The following ZNF268 variants were observed in gnomAD, a reference collection of about 807,000 sequenced individuals.
The protein encoded by ZNF268 is zinc finger protein 3.
ZNF268 carries 20 observed loss-of-function variants against 29.3 expected under a neutral mutation model. That is an observed-to-expected ratio of 0.68 (90% CI 0.48 to 0.99). ZNF268 has a LOEUF of 0.99. ZNF268 is among the 50% of genes least tolerant of loss of function. The pLI is 0.00. For synonymous variants in ZNF268, 429 were observed against 376.9 expected (o/e 1.14, Z -1.60); for missense variants, 1,240 against 1,121.6 (o/e 1.11, Z -1.51).
At position 133,210,979 on chromosome 12, in the gene ZNF268, T is replaced by A. The variant is rs1283930865; in HGVS notation, c.*6449T>A. The A allele has an allele frequency of 2.2e-6, 1 of 456,032 alleles. No homozygotes were observed. The highest frequency in any genetic ancestry group is 1.5e-5 in the South Asian group (1 of 64,560). 28.2% of individuals were successfully genotyped at this position (456,032 alleles called of 1,614,324 possible). A position where few individuals can be genotyped will look rare whatever the true frequency, so the allele number is the denominator to read the frequency against. On this transcript the variant is annotated 3_prime_UTR_variant, in exon 6 of 6. Coordinates refer to ENST00000536435, the MANE Select transcript of ZNF268 (RefSeq NM_003415.3). The stretch of plus-strand genomic sequence containing the variant: ...TTGCAGTCCCAGTGAACCCCTGAAA[T>A]TCAATCTTACGATTTTCCATGCCAT...
At chr12:133,193,368 C>A in intron 5 of ZNF268, 1 of 564,984 alleles carries the variant, frequency 1.8e-6, no homozygotes, top group Non-Finnish European at 3.2e-6. Flanking sequence ...ATTTGTGTTG[C>A]TGTAATAAAA....
chr12:133,207,251 T>A lies in ZNF268; in HGVS notation c.*2721T>A, dbSNP rs1956914524. 6.6e-6 allele frequency: 1 copy of A among 152,102 alleles called. No homozygotes were observed. Among genetic ancestry groups the A allele is most frequent in the Non-Finnish European group, 1.5e-5 (1 of 68,030 alleles). The allele number at this position is 152,102 out of a possible 1,614,324, so 9.4% of individuals were successfully genotyped here. On this transcript the variant is annotated 3_prime_UTR_variant, in exon 6 of 6. Coordinates refer to ENST00000536435, the MANE Select transcript of ZNF268 (RefSeq NM_003415.3). ...ACCCCAATATTTTACAACTTCCCCA[T>A]CAAATAGAAATTTAGGAGAAAAAAT...
rs530230838 is a variant in ZNF268 at position 133,210,671 on chromosome 12, C to G, written c.*6141C>G. 27 of 361,924 alleles carry G rather than the reference C, an allele frequency of 7.5e-5. No individual in the cohort carries two copies. The highest frequency in any genetic ancestry group is 1.4e-4 in the Non-Finnish European group (26 of 181,366). The allele number at this position is 361,924 out of a possible 1,614,324, so 22.4% of individuals were successfully genotyped here. A position where few individuals can be genotyped will look rare whatever the true frequency, so the allele number is the denominator to read the frequency against. On this transcript the variant is annotated 3_prime_UTR_variant, in exon 6 of 6. Transcript: ENST00000536435. ...GGGGTCTCCGGGTCCTGAGTAGAAG[C>G]AAGGTCTGTTTGTCACTGTGGATTC...
At position 133,203,481 on chromosome 12, in the gene ZNF268, CTTA is replaced by C. The variant is rs1280214282; in HGVS notation, c.1800_1802del (p.Ile601del). On this transcript the variant is annotated inframe_deletion, in exon 6 of 6. Transcript: ENST00000536435. ...AAAGGCTTTTGGTTTAAAGTCACAG[CTTA>C]TTATACACCAGAGAACTCATACAGG... The C allele has an allele frequency of 7.1e-6, 11 of 1,542,540 alleles. No individual in the cohort carries two copies. In the South Asian group the frequency reaches 1.2e-4, roughly 17 times the overall value.
chr12:133,212,445 T>TTTTATATA lies in ZNF268; in HGVS notation c.*7916_*7917insTTATATAT, dbSNP rs1956994659. The TTTTATATA allele has an allele frequency of 8.4e-6, 1 of 118,576 alleles. No homozygotes were observed. Among genetic ancestry groups the TTTTATATA allele is most frequent in the Admixed American group, 8.5e-5 (1 of 11,812 alleles). The allele number at this position is 118,576 out of a possible 1,614,324, so 7.3% of individuals were successfully genotyped here. A position where few individuals can be genotyped will look rare whatever the true frequency, so the allele number is the denominator to read the frequency against. ...CCAAGGGAGACTTTCATGTGTGATTTTATATATATATATATATATATATAT... is the reference window on the plus strand; with the variant it reads ...CCAAGGGAGACTTTCATGTGTGATTTTTTATATATATATATATATATATATATATATAT... On this transcript the variant is annotated 3_prime_UTR_variant, in exon 6 of 6. Transcript: ENST00000536435.
At position 133,203,051 on chromosome 12, in the gene ZNF268, C is replaced by G; in HGVS notation, c.1365C>G (p.Phe455Leu). The G allele has an allele frequency of 1.3e-6, 2 of 1,538,888 alleles. No homozygotes were observed. Among genetic ancestry groups the G allele is most frequent in the East Asian group, 2.4e-5 (1 of 40,934 alleles). The stretch of plus-strand genomic sequence containing the variant: ...GTGATTGTGGAAAAGCCTTTACATT[C>G]AAGTCACAGCTCATTGTACATCAGG... ...VCSDCGKAFT[F>L]KSQLIVHQGI... Residue 455 changes from phenylalanine to leucine, a missense_variant, in exon 6 of 6, where the codon TTC (phenylalanine) becomes TTG (leucine). Phe to Leu is a conservative substitution (Grantham distance 22). Coordinates refer to ENST00000536435, the MANE Select transcript of ZNF268 (RefSeq NM_003415.3).
Position 133,202,709 on chromosome 12 carries a change from C to T in ZNF268, c.1023C>T (p.Phe341=). ...LHECSECRKT[F]SFHSQLVIHQ... ...AATGCAGTGAATGCAGGAAAACATTCAGTTTCCATTCACAGCTTGTTATAC... is the reference window on the plus strand; with the variant it reads ...AATGCAGTGAATGCAGGAAAACATTTAGTTTCCATTCACAGCTTGTTATAC... The change falls in exon 6 of 6, where the codon TTC becomes TTT. Residue 341 remains phenylalanine (F), a synonymous_variant. Coordinates refer to ENST00000536435, the MANE Select transcript of ZNF268 (RefSeq NM_003415.3). 1 of 1,611,352 alleles carries T rather than the reference C, an allele frequency of 6.2e-7. No individual in the cohort carries two copies. Among genetic ancestry groups the T allele is most frequent in the Non-Finnish European group, 8.5e-7 (1 of 1,178,792 alleles).
In ZNF268 at chr12:133,191,993, G is replaced by A; in HGVS notation, c.447G>A (p.Gln149=). 2 of 1,612,442 alleles carry A rather than the reference G, an allele frequency of 1.2e-6. No homozygotes were observed. The highest frequency in any genetic ancestry group is 1.7e-6 in the Non-Finnish European group (2 of 1,178,726). The change falls in exon 5 of 6, where the codon CAG becomes CAA. Residue 149 remains glutamine, a synonymous_variant. Coordinates refer to ENST00000536435, the MANE Select transcript of ZNF268 (RefSeq NM_003415.3). ...TGGTGCAGGCCCAAGTTCCAAATCA[G>A]ACCTGTCCAAGTGAGTGATGGAGAC... ...LCMVQAQVPN[Q]TCPNTVWKID... is the part of the protein sequence containing the mutation.
chr12:133,200,193 C>T (rs1444802088), intron 5 of ZNF268, among the ~76,000 whole-genome samples: 1 of 152,168 alleles, frequency 6.6e-6, no homozygotes, highest in African/African-American at 2.4e-5. Flanking sequence ...CTACACACTG[C>T]TTTGAATGTG....
Position 133,205,168 on chromosome 12 carries a change from AAAAAACC to A in ZNF268, c.*641_*647del, listed in dbSNP as rs1211707377. The A allele has an allele frequency of 3.5e-5, 5 of 142,054 alleles. 1 individual carries two copies. Among genetic ancestry groups the A allele is most frequent in the Admixed American group, 7.2e-5 (1 of 13,816 alleles). 8.8% of individuals were successfully genotyped at this position (142,054 alleles called of 1,614,324 possible). A position where few individuals can be genotyped will look rare whatever the true frequency, so the allele number is the denominator to read the frequency against. The stretch of plus-strand genomic sequence containing the variant: ...CTAAAAAAAAAAAAAAAAAAAAAAA[AAAAAACC>A]AACCTGTTATTATATCTTAATATTA... On this transcript the variant is annotated 3_prime_UTR_variant, in exon 6 of 6. Transcript: ENST00000536435.
At chr12:133,200,511 T>C (rs1956727736) in intron 5 of ZNF268, among the ~76,000 whole-genome samples, 1 of 152,196 alleles carries the variant, frequency 6.6e-6, no homozygotes, top group Admixed American at 6.5e-5. Context: ...TTTGTTGATT[T>C]GGGGTGGAGA....
rs764401099 is a variant in ZNF268, at chr12:133,202,327, A to C, written c.641A>C (p.Asp214Ala). Residue 214 changes from aspartate (D) to alanine (A), a missense_variant, in exon 6 of 6, where the codon GAT becomes GCT. By Grantham distance (126) the Asp-to-Ala change is moderately radical. Around this residue, in one of 3 missense-constraint regions of ZNF268, gnomAD observed 1,177 missense variants for 1,039.6 expected, o/e 1.13. Transcript: ENST00000536435. The part of the protein sequence containing the change: ...GTHGKSLKYI[D>A]FTSDYARNNP... ...CATGGAAAGAGTTTGAAATATATAGATTTCACTAGTGATTATGCTAGAAAT... is the reference window on the plus strand; with the variant it reads ...CATGGAAAGAGTTTGAAATATATAGCTTTCACTAGTGATTATGCTAGAAAT... The C allele has an allele frequency of 1.6e-5, 26 of 1,611,804 alleles. No individual in the cohort carries two copies. The highest frequency in any genetic ancestry group is 1.3e-5 in the Non-Finnish European group (15 of 1,179,008).
intron 3 of ZNF268, among the ~76,000 whole-genome samples, chr12:133,189,634 T>C (rs1232146935): frequency 1.3e-5 from 2 of 152,224 alleles, no homozygotes; most frequent in East Asian, 3.8e-4. Context: ...CTAGGAACTT[T>C]CTTAGGTTTT....
At chr12:133,187,805 G>A in intron 2 of ZNF268, 67 bp from the exon 3 acceptor site, 1 of 1,436,310 alleles carries the variant, frequency 7.0e-7, no homozygotes, top group Non-Finnish European at 9.5e-7. Flanking sequence ...TATGTGATGT[G>A]ACCCCTATTT....
At position 133,209,461 on chromosome 12, in the gene ZNF268, G is replaced by A. The variant is rs1956949416; in HGVS notation, c.*4931G>A. Reference sequence around the variant, plus strand: ...ATAAATGATATATTTAAATTTAAATGAAGTTGCAAGTTTTAACATGTCTAC... The same window carrying A: ...ATAAATGATATATTTAAATTTAAATAAAGTTGCAAGTTTTAACATGTCTAC... On this transcript the variant is annotated 3_prime_UTR_variant, in exon 6 of 6. Coordinates refer to ENST00000536435, the MANE Select transcript of ZNF268 (RefSeq NM_003415.3). 1 of 152,164 alleles carries A rather than the reference G, an allele frequency of 6.6e-6. No homozygotes were observed. The highest frequency in any genetic ancestry group is 1.5e-5 in the Non-Finnish European group (1 of 68,026). The allele number at this position is 152,164 out of a possible 1,614,324, so 9.4% of individuals were successfully genotyped here.
intron 2 of ZNF268, among the ~76,000 whole-genome samples, chr12:133,185,195 A>C (rs1264361867): frequency 2.0e-5 from 3 of 151,620 alleles, no homozygotes; most frequent in East Asian, 3.9e-4. Context: ...AAAAAAAAAA[A>C]AAAAACAAAG....
Position 133,181,574 on chromosome 12 carries a change from A to T in ZNF268, c.-165A>T, listed in dbSNP as rs1319708103. 6.0e-6 allele frequency: 1 copy of T among 167,574 alleles called. No homozygotes were observed. Among genetic ancestry groups the T allele is most frequent in the African/African-American group, 2.4e-5 (1 of 42,060 alleles). The allele number at this position is 167,574 out of a possible 1,614,324, so 10.4% of individuals were successfully genotyped here. ...TAGCGTTCATCGCCCGTCGTGGTCA[A>T]CGGGCCAGCCGAGTCTGGAGTGGTT... On this transcript the variant is annotated 5_prime_UTR_variant, in exon 1 of 6. Coordinates refer to ENST00000536435, the MANE Select transcript of ZNF268 (RefSeq NM_003415.3).
chr12:133,182,868 C>T (rs1956213228), intron 2 of ZNF268, among the ~76,000 whole-genome samples: 1 of 152,122 alleles, frequency 6.6e-6, no homozygotes, highest in Non-Finnish European at 1.5e-5. Context: ...TTGAGGACCC[C>T]ATTAAAAACT....
At chr12:133,192,944 G>A (rs557140552) in intron 5 of ZNF268, among the ~76,000 whole-genome samples, 6 of 152,080 alleles carry the variant, frequency 3.9e-5, no homozygotes, top group Non-Finnish European at 7.4e-5. Flanking sequence ...CAGGTGTCAG[G>A]CACCATGCCT....
Sources: allele counts gnomAD v4.1 joint callset (sites outside exome capture counted in the v4.1 genomes callset), GRCh38; gene constraint gnomAD v4.1.1; regional missense constraint gnomAD v4.1.1; transcripts MANE v1.5; gene names NCBI Gene and HGNC (gene_info 2026-07-23, HGNC 2026-07-21).